The following FIP1L1 variants were observed in gnomAD, a reference collection of about 807,000 sequenced individuals.
FIP1L1 encodes the protein factor interacting with PAPOLA and CPSF1, also known as pre-mRNA 3'-end-processing factor FIP1.
A neutral mutation model predicts 84.6 loss-of-function variants in FIP1L1; 21 were observed. That is an observed-to-expected ratio of 0.25 (90% CI 0.18 to 0.36). FIP1L1 has a LOEUF of 0.36. FIP1L1 is among the 10% of genes least tolerant of loss of function. The probability of loss-of-function intolerance (pLI) is 1.00; values close to 1 mark genes in which losing one functional copy is unlikely to be tolerated. For synonymous variants in FIP1L1, 263 were observed against 242.3 expected, an observed-to-expected ratio of 1.09 and a Z score of -0.80; for missense variants, 526 against 751.1, an observed-to-expected ratio of 0.70 and a Z score of 3.50.
intron 13 of FIP1L1, among the ~76,000 whole-genome samples, chr4:53,434,139 C>T (rs1306493459): frequency 6.6e-6 from 1 of 151,774 alleles, no homozygotes; most frequent in African/African-American, 2.4e-5. Context: ...AGAGCTTCTA[C>T]TTATGTATGT....
intron 5 of FIP1L1, among the ~76,000 whole-genome samples, chr4:53,385,896 CCT>C (rs1473918196): frequency 2.6e-5 from 4 of 151,862 alleles, no homozygotes; most frequent in African/African-American, 9.7e-5. Context: ...AAGGTATATC[CCT>C]TGAAAACAAA....
At chr4:53,445,784 C>T (rs545432330) in intron 15 of FIP1L1, among the ~76,000 whole-genome samples, 12 of 152,110 alleles carry the variant, frequency 7.9e-5, no homozygotes, top group South Asian at 4.1e-4. Context: ...TGTAAACTTA[C>T]ATCGTGCTTT....
chr4:53,379,487 A>G (rs1736639799), intron 3 of FIP1L1, among the ~76,000 whole-genome samples: 1 of 152,178 alleles, frequency 6.6e-6, no homozygotes, highest in African/African-American at 2.4e-5. Context: ...TGAACTTAGG[A>G]TTGGACTGAT....
chr4:53,413,417 T>G (rs1481215203), intron 10 of FIP1L1, among the ~76,000 whole-genome samples: 2 of 152,124 alleles, frequency 1.3e-5, no homozygotes, highest in Admixed American at 6.5e-5. Context: ...CCATGTGTGT[T>G]TTTTAAAATA....
intron 10 of FIP1L1, among the ~76,000 whole-genome samples, chr4:53,400,686 C>G (rs1044373544): frequency 6.6e-6 from 1 of 152,120 alleles, no homozygotes; most frequent in Non-Finnish European, 1.5e-5. Flanking sequence ...ATAGTGGCAT[C>G]TAGTCTAGCT....
At chr4:53,435,069 T>C (rs867651652) in intron 13 of FIP1L1, among the ~76,000 whole-genome samples, 1 of 152,208 alleles carries the variant, frequency 6.6e-6, no homozygotes, top group South Asian at 2.1e-4. Context: ...TTTTCCAGAG[T>C]TACCATTAAA....
intron 10 of FIP1L1, among the ~76,000 whole-genome samples, chr4:53,404,910 C>A (rs951812332): frequency 3.3e-5 from 5 of 150,704 alleles, no homozygotes; most frequent in Admixed American, 3.3e-4. Context: ...GGATATTAGC[C>A]CTTTGTCAGA....
rs768936108 is a variant in FIP1L1 at position 53,427,452 on chromosome 4, A to T, written c.1018-575A>T. ...GCAAACATTGCTTTATTTTTCAAGA[A>T]TAAACCCTGGTCTTAAAGTTACAAG... On this transcript the variant is annotated intron_variant, in intron 12 of 17. Transcript: ENST00000337488. Among the ~76,000 whole-genome samples the T allele has an allele frequency of 9.8e-5, 15 of 152,308 alleles. No individual in the cohort carries two copies. The South Asian group carries it at 1.2e-3, about 13-fold the overall frequency.
chr4:53,456,622 C>A (rs1719143298), intron 16 of FIP1L1, among the ~76,000 whole-genome samples: 2 of 152,108 alleles, frequency 1.3e-5, no homozygotes, highest in Non-Finnish European at 2.9e-5. Flanking sequence ...AGGCCAGTTT[C>A]AACTTCTGTT....
chr4:53,420,058 C>T (rs1175857789), intron 11 of FIP1L1, among the ~76,000 whole-genome samples: 10 of 151,788 alleles, frequency 6.6e-5, no homozygotes, highest in African/African-American at 1.7e-4. Context: ...ATTAGCCGGG[C>T]GCGGTGGCGA....
At chr4:53,434,225 A>C (rs1768047805) in intron 13 of FIP1L1, among the ~76,000 whole-genome samples, 1 of 152,190 alleles carries the variant, frequency 6.6e-6, no homozygotes, top group South Asian at 2.1e-4. Flanking sequence ...CACTCATTAC[A>C]TGTTAACATT....
At chr4:53,392,320 C>T (rs551152400) in intron 9 of FIP1L1, among the ~76,000 whole-genome samples, 1 of 152,328 alleles carries the variant, frequency 6.6e-6, no homozygotes, top group African/African-American at 2.4e-5. Flanking sequence ...ACCACTGCTC[C>T]CCTTTTGGGT....
chr4:53,425,719 C>G (rs1764062656), intron 11 of FIP1L1, 153 bp from the exon 12 acceptor site: 1 of 552,872 alleles, frequency 1.8e-6, no homozygotes, highest in South Asian at 2.5e-5. Flanking sequence ...AAGTAGTGAG[C>G]TTAAACTCAG....
rs192393985 is a variant in FIP1L1, at chr4:53,398,582, T to C, written c.706-1148T>C. Among the ~76,000 whole-genome samples the C allele has an allele frequency of 6.6e-4, 100 of 152,324 alleles. No individual in the cohort carries two copies. The Middle Eastern group carries it at 0.014, about 21-fold the overall frequency. ...AAAGGAGAGTGATGCTGAATTTAAA[T>C]GGAGCAGGGAATTTAAATAGAATTT... On this transcript the variant is annotated intron_variant, in intron 9 of 17. Transcript: ENST00000337488.
chr4:53,451,885 CT>C (rs139817657), intron 15 of FIP1L1, among the ~76,000 whole-genome samples: 32,417 of 140,324 alleles, frequency 0.23, 3,726 homozygotes, highest in African/African-American at 0.37. Context: ...ATAGACATTC[CT>C]TTTTTTTTTT....
chr4:53,440,522 A>G, intron 13 of FIP1L1: 1 of 1,100,386 alleles, frequency 9.1e-7, no homozygotes. Context: ...GTGATGGCAT[A>G]AATACATAAC....
chr4:53,430,228 T>A lies in FIP1L1; in HGVS notation c.1174+2045T>A, dbSNP rs1322317002. Among the ~76,000 whole-genome samples, 3 of 152,142 alleles carry A rather than the reference T, an allele frequency of 2.0e-5. No homozygotes were observed. The East Asian group carries it at 5.8e-4, about 29-fold the overall frequency. On this transcript the variant is annotated intron_variant, in intron 13 of 17. Transcript: ENST00000337488. ...GGTATGAATTAATGACAACAAATACTTAGCTGGTATAAGAATATTCGAAAC... is the reference window on the plus strand; with the variant it reads ...GGTATGAATTAATGACAACAAATACATAGCTGGTATAAGAATATTCGAAAC...
rs1261168393 is a variant in FIP1L1 at position 53,459,811 on chromosome 4, T to TAAGA, written c.*363_*366dup. 6.6e-6 allele frequency: 2 copies of TAAGA among 300,796 alleles called. No individual in the cohort carries two copies. The highest frequency in any genetic ancestry group is 5.8e-5 in the South Asian group (1 of 17,164). The allele number at this position is 300,796 out of a possible 1,614,324, so 18.6% of individuals were successfully genotyped here. A position where few individuals can be genotyped will look rare whatever the true frequency, so the allele number is the denominator to read the frequency against. ...TTTTGTTAATCAAACACCACTCTCTTAAGAGGCTGCATCACAAAAGGCAAC... is the reference window on the plus strand; with the variant it reads ...TTTTGTTAATCAAACACCACTCTCTTAAGAAAGAGGCTGCATCACAAAAGGCAAC... On this transcript the variant is annotated 3_prime_UTR_variant, in exon 18 of 18. Transcript: ENST00000337488.
Position 53,451,894 on chromosome 4 carries a change from T to G in FIP1L1, c.1286-1026T>G, listed in dbSNP as rs551661465. On this transcript the variant is annotated intron_variant, in intron 15 of 17. Coordinates refer to ENST00000337488, the MANE Select transcript of FIP1L1 (RefSeq NM_030917.4). Reference sequence around the variant, plus strand: ...TATCTGATAGACATTCCTTTTTTTTTTTTTTTTGAGATAGAGCCTCACTGT... The same window carrying G: ...TATCTGATAGACATTCCTTTTTTTTGTTTTTTTGAGATAGAGCCTCACTGT... Among the ~76,000 whole-genome samples, 243 of 152,032 alleles carry G rather than the reference T, an allele frequency of 1.6e-3. 2 individuals are homozygous for G. The East Asian group carries it at 0.028, about 18-fold the overall frequency.
Sources: gnomAD v4.1 joint callset for allele counts (sites outside exome capture counted in the v4.1 genomes callset) on GRCh38, gnomAD v4.1.1 for gene constraint, MANE v1.5 for transcripts, NCBI Gene and HGNC (gene_info 2026-07-23, HGNC 2026-07-21) for gene names.